SLC2A7: variants seen among roughly 807,000 people sequenced by gnomAD.
The protein encoded by SLC2A7 is solute carrier family 2, facilitated glucose transporter member 7.
SLC2A7 carries 50 observed loss-of-function variants against 50.5 expected under a neutral mutation model. That is an observed-to-expected ratio of 0.99 (90% CI 0.79 to 1.25). The LOEUF (loss-of-function observed/expected upper bound fraction) is 1.25. Among genes scored for constraint, SLC2A7 ranks in the 50% most tolerant of loss-of-function variants. The probability of loss-of-function intolerance (pLI) is 0.00; values close to 1 mark genes in which losing one functional copy is unlikely to be tolerated. For synonymous variants in SLC2A7, 308 were observed against 300.4 expected (o/e 1.03, Z -0.26); for missense variants, 683 against 679.1 (o/e 1.01, Z -0.06).
At chr1:9,000,346 C>T (rs1372899305), downstream of SLC2A7, among the ~76,000 whole-genome samples, 4 of 149,734 alleles carry the variant, frequency 2.7e-5, no homozygotes, top group South Asian at 2.1e-4. Context: ...AGGCTGGGCA[C>T]GGTGGCTCAT....
chr1:9,009,735 G>A (rs1039599298), intron 9 of SLC2A7, among the ~76,000 whole-genome samples: 5 of 152,230 alleles, frequency 3.3e-5, no homozygotes, highest in African/African-American at 1.2e-4. Context: ...TAGGATTGCA[G>A]GAGTGAGCCA....
chr1:9,004,435 C>G (rs992872562), intron 11 of SLC2A7, among the ~76,000 whole-genome samples: 2 of 151,872 alleles, frequency 1.3e-5, no homozygotes, highest in African/African-American at 2.4e-5. Flanking sequence ...ATCTTGTCTT[C>G]GGAACAGAGG....
intron 3 of SLC2A7, 69 bp from the exon 4 acceptor site, chr1:9,019,402 C>G: frequency 6.3e-7 from 1 of 1,589,076 alleles, no homozygotes; most frequent in Non-Finnish European, 8.6e-7. Flanking sequence ...ACACCAGCTC[C>G]TATTCTGCGG....
chr1:8,993,488 AC>A, the SLC2A7 span, among the ~76,000 whole-genome samples: 14 of 152,262 alleles, frequency 9.2e-5, 1 homozygote, highest in South Asian at 2.7e-3. Context: ...CCTCAGTGGC[AC>A]CTCCTGGTGT....
At chr1:9,026,040 G>A (rs1640995044) in intron 1 of SLC2A7, among the ~76,000 whole-genome samples, 1 of 152,228 alleles carries the variant, frequency 6.6e-6, no homozygotes, top group African/African-American at 2.4e-5. Context: ...GGGAGCAGGG[G>A]TGGAAGGGAG....
downstream of SLC2A7, among the ~76,000 whole-genome samples, chr1:9,001,419 A>ATTTT (rs767748961): frequency 8.0e-6 from 1 of 124,324 alleles, no homozygotes. Context: ...TGCAGGTGCT[A>ATTTT]TTTTTTTTTT....
At chr1:9,015,723 CT>C (rs59752312) in intron 5 of SLC2A7, among the ~76,000 whole-genome samples, 29,500 of 129,306 alleles carry the variant, frequency 0.23, 3,413 homozygotes, top group African/African-American at 0.36. Flanking sequence ...TGGACAAGTT[CT>C]TTTTTTTTTT....
intron 3 of SLC2A7, among the ~76,000 whole-genome samples, chr1:9,021,623 A>G (rs904804359): frequency 6.6e-6 from 1 of 152,126 alleles, no homozygotes; most frequent in Non-Finnish European, 1.5e-5. Flanking sequence ...TTCTCAGGCC[A>G]CTTTTCTCTC....
At chr1:9,010,110 TCCC>T in intron 9 of SLC2A7, 30 bp downstream of exon 9, 1 of 1,304,808 alleles carries the variant, frequency 7.7e-7, no homozygotes, top group Non-Finnish European at 1.1e-6. Flanking sequence ...TCCCCATGAC[TCCC>T]CACCCAGGGG....
intron 2 of SLC2A7, among the ~76,000 whole-genome samples, chr1:9,023,947 C>T (rs1640957146): frequency 2.1e-5 from 3 of 142,178 alleles, no homozygotes. Context: ...CCTCTGATTC[C>T]CGGGTTCAAG....
At chr1:9,019,131 C>T in intron 4 of SLC2A7, 78 bp downstream of exon 4, 1 of 1,537,364 alleles carries the variant, frequency 6.5e-7, no homozygotes, top group South Asian at 1.3e-5. Flanking sequence ...CAGGCAGACA[C>T]CTCATCTGCT....
At chr1:9,000,267 G>A (rs889974085), downstream of SLC2A7, among the ~76,000 whole-genome samples, 5 of 152,100 alleles carry the variant, frequency 3.3e-5, no homozygotes, top group African/African-American at 1.2e-4. Flanking sequence ...AGGCTGCAGT[G>A]AGCCATGATT....
At chr1:9,017,924 C>T (rs1251315788) in intron 5 of SLC2A7, among the ~76,000 whole-genome samples, 4 of 152,194 alleles carry the variant, frequency 2.6e-5, no homozygotes, top group African/African-American at 4.8e-5. Flanking sequence ...ATTATGCTGA[C>T]ACTTTTCATG....
chr1:9,010,412 GC>G (rs1220222051), intron 8 of SLC2A7, among the ~76,000 whole-genome samples, 168 bp from the exon 9 acceptor site: 1 of 151,980 alleles, frequency 6.6e-6, no homozygotes, highest in East Asian at 1.9e-4. Context: ...AGGCTGGAGT[GC>G]AGTGGTGCGA....
At chr1:9,023,677 C>T (rs112904968) in intron 2 of SLC2A7, among the ~76,000 whole-genome samples, 28,288 of 150,676 alleles carry the variant, frequency 0.19, 3,286 homozygotes, top group Admixed American at 0.27. Flanking sequence ...GAGGCCGAGG[C>T]GGGAGGATTG....
intron 9 of SLC2A7, among the ~76,000 whole-genome samples, chr1:9,007,822 T>A (rs1640678938): frequency 6.6e-6 from 1 of 151,172 alleles, no homozygotes; most frequent in African/African-American, 2.4e-5. Context: ...CACTGCAGCC[T>A]CCGCCTCCCG....
downstream of SLC2A7, among the ~76,000 whole-genome samples, chr1:9,001,417 CTATT>C: frequency 7.1e-6 from 1 of 140,162 alleles, no homozygotes; most frequent in East Asian, 2.0e-4. Context: ...AATGCAGGTG[CTATT>C]TTTTTTTTTT....
chr1:9,020,567 C>CT (rs1557652658), intron 3 of SLC2A7, among the ~76,000 whole-genome samples: 1 of 150,416 alleles, frequency 6.6e-6, no homozygotes, highest in Admixed American at 6.6e-5. Context: ...CCCACCCCCC[C>CT]GCCTTTGGCT....
intron 9 of SLC2A7, among the ~76,000 whole-genome samples, chr1:9,009,010 C>G (rs1640701799): frequency 6.6e-6 from 1 of 152,214 alleles, no homozygotes; most frequent in South Asian, 2.1e-4. Flanking sequence ...TCCCCGCAGG[C>G]CCTGGCCTCC....
Sources: allele counts gnomAD v4.1 joint callset (sites outside exome capture counted in the v4.1 genomes callset), GRCh38; gene constraint gnomAD v4.1.1; transcripts MANE v1.5; gene names NCBI Gene and HGNC (gene_info 2026-07-23, HGNC 2026-07-21).